The following UBN2 variants were observed in gnomAD, a reference collection of about 807,000 sequenced individuals.
The protein encoded by UBN2 is ubinuclein 2.
A neutral mutation model predicts 120.2 loss-of-function variants in UBN2; 35 were observed. The ratio of observed to expected loss-of-function variants is 0.29; its 90% CI spans 0.22 to 0.39. The LOEUF (loss-of-function observed/expected upper bound fraction) is 0.39, where lower values mean the gene tolerates loss of function less well. Among genes scored for constraint, UBN2 ranks in the 10% least tolerant of loss-of-function variants. The pLI, the probability that UBN2 is intolerant of heterozygous loss-of-function variation, is 1.00. For synonymous variants in UBN2, 661 were observed against 648.7 expected, an observed-to-expected ratio of 1.02 and a Z score of -0.29; for missense variants, 1,693 against 1,663.2, an observed-to-expected ratio of 1.02 and a Z score of -0.31.
intron 5 of UBN2, among the ~76,000 whole-genome samples, chr7:139,259,836 T>TC (rs1480196228): frequency 1.3e-5 from 2 of 151,698 alleles, no homozygotes; most frequent in Non-Finnish European, 1.5e-5. Flanking sequence ...GCAACTCCCA[T>TC]CTCCTGGGTT....
intron 15 of UBN2, among the ~76,000 whole-genome samples, chr7:139,289,554 G>A (rs1797888934): frequency 6.6e-6 from 1 of 151,704 alleles, no homozygotes; most frequent in Admixed American, 6.6e-5. Flanking sequence ...TGGGATTACA[G>A]GCAGACGCCA....
chr7:139,235,380 A>C (rs1440870326), intron 1 of UBN2, among the ~76,000 whole-genome samples: 1 of 151,806 alleles, frequency 6.6e-6, no homozygotes, highest in Non-Finnish European at 1.5e-5. Flanking sequence ...TTCATTGGTA[A>C]ATTTTTATTT....
intron 6 of UBN2, among the ~76,000 whole-genome samples, chr7:139,262,728 A>C (rs997109309): frequency 6.6e-6 from 1 of 151,650 alleles, no homozygotes; most frequent in Admixed American, 6.6e-5. Context: ...AAAAAAAAAA[A>C]ACCCAAATAA....
At chr7:139,327,860 A>G in the UBN2 span, among the ~76,000 whole-genome samples, 1 of 152,192 alleles carries the variant, frequency 6.6e-6, no homozygotes, top group African/African-American at 2.4e-5. Flanking sequence ...GCTGGCTAAA[A>G]TCTGCTGCAT....
intron 14 of UBN2, among the ~76,000 whole-genome samples, chr7:139,282,777 A>G (rs1477588343): frequency 1.3e-5 from 2 of 152,142 alleles, no homozygotes; most frequent in Admixed American, 6.5e-5. Flanking sequence ...TAACTAGTAT[A>G]TGAATGTTCC....
rs1798199837 is a variant in UBN2, at chr7:139,299,337, A to C, written c.*1501A>C. 6.6e-6 allele frequency: 1 copy of C among 152,166 alleles called. No individual in the cohort carries two copies. Among genetic ancestry groups the C allele is most frequent in the Admixed American group, 6.6e-5 (1 of 15,264 alleles). The allele number at this position is 152,166 out of a possible 1,614,324, so 9.4% of individuals were successfully genotyped here. A position where few individuals can be genotyped will look rare whatever the true frequency, so the allele number is the denominator to read the frequency against. ...GACTGGTAGTGACAAGATTTATTGC[A>C]TATGTGTTTATTATACATTACCCTA... is the stretch of plus-strand genomic sequence containing the variant. On this transcript the variant is annotated 3_prime_UTR_variant, in exon 18 of 18. Coordinates refer to ENST00000473989, the MANE Select transcript of UBN2 (RefSeq NM_173569.4).
downstream of UBN2, among the ~76,000 whole-genome samples, chr7:139,312,513 G>C (rs1321065266): frequency 6.6e-6 from 1 of 152,166 alleles, no homozygotes; most frequent in Non-Finnish European, 1.5e-5. Context: ...TGTCAACTGC[G>C]TGTTGATCTT....
At chr7:139,280,248 T>A (rs188831291) in intron 13 of UBN2, among the ~76,000 whole-genome samples, 1 of 152,220 alleles carries the variant, frequency 6.6e-6, no homozygotes, top group East Asian at 1.9e-4. Context: ...AGCAGTTAGA[T>A]CCCTAAGACG....
rs1282655171 is a variant in UBN2, at chr7:139,283,541, A to G, written c.2636A>G (p.Gln879Arg). The change falls in exon 15 of 18, where the codon CAA becomes CGA. Residue 879 changes from glutamine (Q) to arginine (R), a missense_variant. By Grantham distance (43) the Gln-to-Arg change is conservative (BLOSUM62 1). This residue lies in a region of UBN2 where 837 missense variants were observed against 817.6 expected (regional missense o/e 1.02). Coordinates refer to ENST00000473989, the MANE Select transcript of UBN2 (RefSeq NM_173569.4). Reference protein sequence around the residue: ...LEPLPARLLQQGLQRSSQIHT... With the variant: ...LEPLPARLLQRGLQRSSQIHT... ...CCTTTGCCAGCCAGGCTACTTCAAC[A>G]AGGACTTCAGAGGTCAAGCCAGATT... 6.2e-7 allele frequency: 1 copy of G among 1,614,088 alleles called. No individual in the cohort carries two copies. Among genetic ancestry groups the G allele is most frequent in the East Asian group, 2.2e-5 (1 of 44,876 alleles).
chr7:139,263,174 A>G (rs1796990220), intron 6 of UBN2, among the ~76,000 whole-genome samples: 1 of 152,238 alleles, frequency 6.6e-6, no homozygotes, highest in Non-Finnish European at 1.5e-5. Context: ...TAATCAAAAT[A>G]CACAAGACAT....
intron 2 of UBN2, among the ~76,000 whole-genome samples, chr7:139,245,660 A>C (rs1264638649): frequency 1.3e-5 from 2 of 152,228 alleles, no homozygotes; most frequent in Non-Finnish European, 2.9e-5. Flanking sequence ...ATAGGCAGCT[A>C]TTTATGCCTA....
At chr7:139,232,201 G>A (rs1417257193) in intron 1 of UBN2, among the ~76,000 whole-genome samples, 1 of 152,226 alleles carries the variant, frequency 6.6e-6, no homozygotes, top group Non-Finnish European at 1.5e-5. Flanking sequence ...CCAACGCCGC[G>A]CCGAGCTCGT....
Position 139,293,343 on chromosome 7 carries a change from G to A in UBN2, c.3781G>A (p.Val1261Ile), listed in dbSNP as rs371901292. 1.4e-5 allele frequency: 22 copies of A among 1,614,058 alleles called. No homozygotes were observed. Among genetic ancestry groups the A allele is most frequent in the Non-Finnish European group, 1.9e-5 (22 of 1,180,038 alleles). ...TCCTTTTGGGATGCTGGGTGGCCTTGTTCCAGTGACCATGCCCTTCCAGTT... is the reference window on the plus strand; with the variant it reads ...TCCTTTTGGGATGCTGGGTGGCCTTATTCCAGTGACCATGCCCTTCCAGTT... ...VTPFGMLGGLVPVTMPFQFPL... is the reference protein window; with the variant it reads ...VTPFGMLGGLIPVTMPFQFPL... Residue 1261 changes from valine (V) to isoleucine (I), a missense_variant, in exon 16 of 18, where the codon GTT (valine) becomes ATT (isoleucine). Val to Ile is a conservative substitution (Grantham distance 29). Coordinates refer to ENST00000473989, the MANE Select transcript of UBN2 (RefSeq NM_173569.4).
intron 15 of UBN2, among the ~76,000 whole-genome samples, chr7:139,291,827 C>T (rs558269355): frequency 6.6e-6 from 1 of 151,706 alleles, no homozygotes; most frequent in East Asian, 1.9e-4. Flanking sequence ...GCTCTCTAGC[C>T]TGGGTAACAG....
intron 7 of UBN2, 45 bp downstream of exon 7, chr7:139,266,448 T>TA: frequency 8.4e-7 from 1 of 1,187,068 alleles, no homozygotes; most frequent in Admixed American, 2.2e-5. Context: ...AATGATACAT[T>TA]AAAAAATGTA....
chr7:139,248,605 TTCA>T (rs1796535196), intron 2 of UBN2, among the ~76,000 whole-genome samples: 1 of 152,190 alleles, frequency 6.6e-6, no homozygotes, highest in African/African-American at 2.4e-5. Flanking sequence ...AACAATGCTG[TTCA>T]TTAATCTTTT....
chr7:139,280,429 A>G (rs1427099304), intron 13 of UBN2, among the ~76,000 whole-genome samples: 3 of 152,220 alleles, frequency 2.0e-5, no homozygotes, highest in African/African-American at 7.2e-5. Flanking sequence ...ATCATTTGAA[A>G]TTAAAATTTT....
At chr7:139,234,136 A>G (rs981190611) in intron 1 of UBN2, among the ~76,000 whole-genome samples, 1 of 152,164 alleles carries the variant, frequency 6.6e-6, no homozygotes, top group African/African-American at 2.4e-5. Flanking sequence ...GAGACCATCA[A>G]AAAGCAAAAT....
intron 3 of UBN2, among the ~76,000 whole-genome samples, chr7:139,257,187 T>C (rs1796786587): frequency 6.6e-6 from 1 of 152,220 alleles, no homozygotes; most frequent in Non-Finnish European, 1.5e-5. Context: ...GTTTGCTTTT[T>C]AGCCATCTTT....
Sources: gnomAD v4.1 joint callset for allele counts (sites outside exome capture counted in the v4.1 genomes callset) on GRCh38, gnomAD v4.1.1 for gene constraint, gnomAD v4.1.1 regional missense constraint, MANE v1.5 for transcripts, NCBI Gene and HGNC (gene_info 2026-07-23, HGNC 2026-07-21) for gene names.